Variants in TUBGCP2 observed in about 807,000 individuals in gnomAD.
The protein encoded by TUBGCP2 is gamma-tubulin complex component 2.
TUBGCP2 carries 55 observed loss-of-function variants against 92.2 expected under a neutral mutation model. That is an observed-to-expected ratio of 0.60 (90% CI 0.48 to 0.75). The LOEUF is 0.75. TUBGCP2 is among the 30% of genes least tolerant of loss of function. TUBGCP2 has a pLI of 0.00. For missense variants in TUBGCP2, 1,093 were observed against 1,188.9 expected (o/e 0.92, Z 1.19); for synonymous variants, 533 against 505.2 (o/e 1.06, Z -0.74).
Position 133,289,981 on chromosome 10 carries a change from G to C in TUBGCP2, c.1215-12C>G, listed in dbSNP as rs1403403638. On this transcript the variant is annotated splice_polypyrimidine_tract_variant and intron_variant, in intron 8 of 17. Transcript: ENST00000252936. Reference sequence around the variant, plus strand: ...CGACCATAAACTCACTAAAACCACAGGGAGCGCTTCGGTCACAGGCAAAGC... The same window carrying C: ...CGACCATAAACTCACTAAAACCACACGGAGCGCTTCGGTCACAGGCAAAGC... The C allele has an allele frequency of 6.2e-7, 1 of 1,610,860 alleles. No individual in the cohort carries two copies. The highest frequency in any genetic ancestry group is 1.7e-5 in the Admixed American group (1 of 59,976).
chr10:133,282,894 C>G (rs1487702345), intron 15 of TUBGCP2, among the ~76,000 whole-genome samples, 184 bp downstream of exon 15: 1 of 152,218 alleles, frequency 6.6e-6, no homozygotes, highest in Non-Finnish European at 1.5e-5. Context: ...GCTGCCAGGG[C>G]AGGGGCTCCA....
At position 133,302,863 on chromosome 10, in the gene TUBGCP2, C is replaced by T. The variant is rs1847706863; in HGVS notation, c.79G>A (p.Val27Ile). 1 of 1,613,944 alleles carries T rather than the reference C, an allele frequency of 6.2e-7. No homozygotes were observed. Among genetic ancestry groups the T allele is most frequent in the Admixed American group, 1.7e-5 (1 of 60,032 alleles). The change falls in exon 2 of 18, where the codon GTC becomes ATC. Residue 27 changes from valine to isoleucine, a missense_variant. Val to Ile is a conservative substitution (Grantham distance 29, BLOSUM62 3). Transcript: ENST00000252936. ...TTCTTTTGAAGCAGGTCAATGTAGA[C>T]CTCAGCCCCATCTCCTCCGTGGACA... Reference protein sequence around the residue: ...LRVHGGDGAEVYIDLLQKNRT... With the variant: ...LRVHGGDGAEIYIDLLQKNRT...
At chr10:133,302,547 C>T in intron 2 of TUBGCP2, 1 of 502,110 alleles carries the variant, frequency 2.0e-6, no homozygotes, top group Non-Finnish European at 3.6e-6. Flanking sequence ...GCTCATCCTG[C>T]ACATGGACTG....
chr10:133,296,722 G>A (rs904169882), intron 5 of TUBGCP2, among the ~76,000 whole-genome samples: 4 of 152,090 alleles, frequency 2.6e-5, no homozygotes, highest in Non-Finnish European at 4.4e-5. Flanking sequence ...AGGAATCCAC[G>A]CACCTCACCT....
At chr10:133,290,835 T>TAA (rs1166557878) in intron 8 of TUBGCP2, 1 of 152,406 alleles carries the variant, frequency 6.6e-6, no homozygotes, top group Non-Finnish European at 1.5e-5. Flanking sequence ...GAAGGTGCTT[T>TAA]CTTTAAAGGT....
At chr10:133,289,091 A>G in intron 9 of TUBGCP2, 71 bp from the exon 10 acceptor site, 1 of 1,534,930 alleles carries the variant, frequency 6.5e-7, no homozygotes, top group Non-Finnish European at 8.8e-7. Context: ...CTTTGTCTAC[A>G]CAGGAGGCAG....
intron 1 of TUBGCP2, among the ~76,000 whole-genome samples, chr10:133,304,690 G>A (rs1382519801): frequency 6.6e-6 from 1 of 152,210 alleles, no homozygotes. Flanking sequence ...GCTAGATCTA[G>A]ATCATAGATA....
intron 17 of TUBGCP2, among the ~76,000 whole-genome samples, chr10:133,280,198 C>A (rs915622276): frequency 1.5e-4 from 23 of 152,202 alleles, no homozygotes; most frequent in African/African-American, 5.3e-4. Context: ...GTTTTCAGTC[C>A]TGTTCAGTCC....
At chr10:133,286,323 A>G (rs191273491) in intron 11 of TUBGCP2, among the ~76,000 whole-genome samples, 18 of 152,330 alleles carry the variant, frequency 1.2e-4, no homozygotes, top group Admixed American at 5.9e-4. Flanking sequence ...AGGGCCATGT[A>G]TTGTGACCCA....
At chr10:133,312,220 C>T (rs990964962), upstream of TUBGCP2, 1 of 1,386,882 alleles carries the variant, frequency 7.2e-7, no homozygotes, top group East Asian at 2.8e-5. Context: ...TCTAGCGTCA[C>T]CTGTGCCGTC....
At chr10:133,288,438 AC>A (rs1847190012) in intron 10 of TUBGCP2, 129 bp from the exon 11 acceptor site, 2 of 1,163,258 alleles carry the variant, frequency 1.7e-6, no homozygotes, top group Non-Finnish European at 2.4e-6. Context: ...GCACGTGCCC[AC>A]CCGCAGGTGC....
chr10:133,279,982 G>A, intron 17 of TUBGCP2, 81 bp from the exon 18 acceptor site: 1 of 1,544,858 alleles, frequency 6.5e-7, no homozygotes. Flanking sequence ...GAAGGACGGT[G>A]CAGCTAGGGT....
intron 14 of TUBGCP2, 95 bp downstream of exon 14, chr10:133,283,787 T>A: frequency 6.4e-7 from 1 of 1,559,382 alleles, no homozygotes; most frequent in South Asian, 1.2e-5. Flanking sequence ...CTGCACTCCC[T>A]GCCTCTCCCC....
chr10:133,279,937 C>G (rs1846924047), intron 17 of TUBGCP2, 36 bp from the exon 18 acceptor site: 1 of 1,598,224 alleles, frequency 6.3e-7, no homozygotes, highest in Non-Finnish European at 8.5e-7. Context: ...GGTGCACACC[C>G]CTTCTGCGGG....
rs769462501 is a variant in TUBGCP2 at position 133,281,391 on chromosome 10, C to T, written c.2455G>A (p.Glu819Lys). The T allele has an allele frequency of 5.0e-6, 8 of 1,613,612 alleles. No individual in the cohort carries two copies. Among genetic ancestry groups the T allele is most frequent in the African/African-American group, 1.3e-5 (1 of 74,922 alleles). Residue 819 changes from glutamate to lysine, a missense_variant, in exon 17 of 18, where the codon GAG becomes AAG. Coordinates refer to ENST00000252936, the MANE Select transcript of TUBGCP2 (RefSeq NM_006659.4). ...ADTVQLVSGF[E>K]ATINKFDKNF... is the part of the protein sequence containing the mutation. ...TTGTCAAACTTGTTGATGGTGGCCT[C>T]GAAGCCGGACACCAGCTGCACAGTG...
In TUBGCP2 at chr10:133,289,906, C is replaced by G. The variant is rs1428058114; in HGVS notation, c.1278G>C (p.Lys426Asn). ...CGATGGTGTACCGCTGGTCCCAGTA[C>G]TTGTCGTTGTAATCCTCCTGGATCC... Reference protein sequence around the residue: ...KERIQEDYNDKYWDQRYTIVQ... With the variant: ...KERIQEDYNDNYWDQRYTIVQ... The change falls in exon 9 of 18, where the codon AAG becomes AAC. Residue 426 changes from lysine (K) to asparagine (N), a missense_variant. Lys to Asn is a moderately conservative substitution (Grantham distance 94, BLOSUM62 0). Transcript: ENST00000252936. 1 of 1,600,602 alleles carries G rather than the reference C, an allele frequency of 6.2e-7. No homozygotes were observed. The highest frequency in any genetic ancestry group is 1.4e-5 in the African/African-American group (1 of 71,568).
intron 8 of TUBGCP2, among the ~76,000 whole-genome samples, chr10:133,291,737 CCCCGTGTCCCTCCGTGT>C (rs1225688645): frequency 8.7e-4 from 1 of 1,150 alleles, no homozygotes; most frequent in African/African-American, 5.6e-3. Context: ...CCCTCCGTGT[CCCCGTGTCCCTCCGTGT>C]CCCCGTGTCC....
rs893476836 is a variant in TUBGCP2 at position 133,299,373 on chromosome 10, C to A, written c.456+54G>T. ...TGAGTGTGGGTGCCTGTGGACGCCA[C>A]GGACACAGGACCTGCTGCAGCATGG... On this transcript the variant is annotated intron_variant, in intron 4 of 17. Coordinates refer to ENST00000252936, the MANE Select transcript of TUBGCP2 (RefSeq NM_006659.4). The A allele has an allele frequency of 6.7e-6, 10 of 1,481,574 alleles. No homozygotes were observed. In the Admixed American group the frequency reaches 1.1e-4, roughly 16 times the overall value. 91.8% of individuals were successfully genotyped at this position (1,481,574 alleles called of 1,614,324 possible).
upstream of TUBGCP2, chr10:133,310,240 A>G: frequency 6.2e-7 from 1 of 1,614,018 alleles, no homozygotes; most frequent in South Asian, 1.1e-5. Flanking sequence ...GTGAGGATGC[A>G]CCTGTACCCC....
Sources: gnomAD v4.1 joint callset for allele counts (sites outside exome capture counted in the v4.1 genomes callset) on GRCh38, gnomAD v4.1.1 for gene constraint, MANE v1.5 for transcripts, NCBI Gene and HGNC (gene_info 2026-07-23, HGNC 2026-07-21) for gene names.